Variants in CTNNA3 observed in about 807,000 individuals in gnomAD.
CTNNA3 encodes catenin alpha 3.
A neutral mutation model predicts 95.7 loss-of-function variants in CTNNA3; 76 were observed. That is an observed-to-expected ratio of 0.79 (90% confidence interval 0.66 to 0.96). The LOEUF (loss-of-function observed/expected upper bound fraction) is 0.96, where lower values mean the gene tolerates loss of function less well. Among genes scored for constraint, CTNNA3 ranks in the 40% least tolerant of loss-of-function variants. CTNNA3 has a pLI of 0.00. For synonymous variants in CTNNA3, 431 were observed against 374.4 expected (o/e 1.15, Z -1.74); for missense variants, 1,191 against 1,089.8 (o/e 1.09, Z -1.31).
intron 1 of CTNNA3, among the ~76,000 whole-genome samples, chr10:67,678,146 T>G (rs1415919151): frequency 1.3e-5 from 2 of 151,954 alleles, no homozygotes; most frequent in Non-Finnish European, 2.9e-5. Context: ...TTAAAAATCG[T>G]GTAACATAAA....
chr10:66,280,169 C>T (rs1449461794), intron 13 of CTNNA3, among the ~76,000 whole-genome samples: 2 of 151,954 alleles, frequency 1.3e-5, no homozygotes, highest in East Asian at 3.9e-4. Context: ...ATGTATTTTT[C>T]TTTGGCTTCT....
intron 12 of CTNNA3, among the ~76,000 whole-genome samples, chr10:66,361,131 A>ATTT (rs140136112): frequency 6.9e-6 from 1 of 145,966 alleles, no homozygotes; most frequent in Non-Finnish European, 1.5e-5. Flanking sequence ...TAAATTTTGA[A>ATTT]TTTTTTGTTT....
At chr10:67,353,505 T>C (rs543394607) in intron 5 of CTNNA3, among the ~76,000 whole-genome samples, 114 of 152,058 alleles carry the variant, frequency 7.5e-4, no homozygotes, top group African/African-American at 2.7e-3. Flanking sequence ...AGATTGCTAG[T>C]AATTCAATAG....
At chr10:66,423,791 A>C (rs2132641828) in intron 11 of CTNNA3, among the ~76,000 whole-genome samples, 1 of 152,348 alleles carries the variant, frequency 6.6e-6, no homozygotes, top group South Asian at 2.1e-4. Flanking sequence ...ATCGGCCAGA[A>C]GCCCCTCTCA....
At chr10:67,085,616 G>T (rs561927678) in intron 7 of CTNNA3, among the ~76,000 whole-genome samples, 5 of 151,844 alleles carry the variant, frequency 3.3e-5, no homozygotes, top group Non-Finnish European at 5.9e-5. Flanking sequence ...TAAAGTTTAT[G>T]TTTGTGTCAT....
intron 6 of CTNNA3, among the ~76,000 whole-genome samples, chr10:67,208,807 AT>A (rs1864014159): frequency 6.6e-6 from 1 of 151,594 alleles, no homozygotes; most frequent in Non-Finnish European, 1.5e-5. Context: ...AAATTCATGT[AT>A]TCCTTATGAA....
At chr10:66,181,972 C>T (rs922813878) in intron 13 of CTNNA3, among the ~76,000 whole-genome samples, 9 of 152,070 alleles carry the variant, frequency 5.9e-5, no homozygotes, top group African/African-American at 2.2e-4. Flanking sequence ...ATTGTTCAAA[C>T]TGGAAATATA....
chr10:67,094,832 T>A (rs760298126), intron 7 of CTNNA3, among the ~76,000 whole-genome samples: 6 of 151,712 alleles, frequency 4.0e-5, no homozygotes, highest in Non-Finnish European at 7.4e-5. Flanking sequence ...TGTACACACA[T>A]GTGCATACAT....
At chr10:67,301,450 C>CA (rs1312613541) in intron 5 of CTNNA3, among the ~76,000 whole-genome samples, 1 of 152,002 alleles carries the variant, frequency 6.6e-6, no homozygotes, top group Non-Finnish European at 1.5e-5. Flanking sequence ...GGAGAGTCCT[C>CA]AAAAAACTAA....
intron 9 of CTNNA3, among the ~76,000 whole-genome samples, chr10:66,741,230 T>C (rs1849316351): frequency 6.6e-6 from 1 of 152,268 alleles, no homozygotes; most frequent in East Asian, 1.9e-4. Context: ...GAAGGCTTTT[T>C]CTGGGTTATG....
At chr10:67,079,451 C>A (rs1856919817) in intron 7 of CTNNA3, among the ~76,000 whole-genome samples, 6 of 152,088 alleles carry the variant, frequency 3.9e-5, no homozygotes, top group Admixed American at 3.3e-4. Flanking sequence ...CCCAATAAAG[C>A]CAATAAATTC....
intron 5 of CTNNA3, among the ~76,000 whole-genome samples, chr10:67,489,933 G>A (rs1049739108): frequency 1.3e-5 from 2 of 152,120 alleles, no homozygotes; most frequent in African/African-American, 4.8e-5. Flanking sequence ...GTGAGATCAT[G>A]TAATATTTGT....
At chr10:67,023,590 A>G (rs1184043471) in intron 7 of CTNNA3, among the ~76,000 whole-genome samples, 1 of 152,176 alleles carries the variant, frequency 6.6e-6, no homozygotes, top group Non-Finnish European at 1.5e-5. Flanking sequence ...AGACAAGGTG[A>G]TGATCCTCAG....
chr10:66,442,528 A>C (rs1234476880), intron 11 of CTNNA3, among the ~76,000 whole-genome samples: 1 of 152,190 alleles, frequency 6.6e-6, no homozygotes, highest in Non-Finnish European at 1.5e-5. Context: ...TACAACATAA[A>C]ACAGATTCAC....
At chr10:67,535,881 T>A (rs1024472426) in intron 4 of CTNNA3, among the ~76,000 whole-genome samples, 2 of 152,114 alleles carry the variant, frequency 1.3e-5, no homozygotes, top group Non-Finnish European at 2.9e-5. Context: ...AGTGAGAAAT[T>A]TCCTGAAGTG....
chr10:67,165,202 C>T (rs900560168), intron 7 of CTNNA3, among the ~76,000 whole-genome samples: 3 of 152,108 alleles, frequency 2.0e-5, no homozygotes, highest in African/African-American at 7.2e-5. Flanking sequence ...ATATATCCAA[C>T]TTGGATGGAT....
At chr10:66,153,792 T>C (rs563961852) in intron 13 of CTNNA3, among the ~76,000 whole-genome samples, 9 of 151,988 alleles carry the variant, frequency 5.9e-5, no homozygotes, top group African/African-American at 1.2e-4. Context: ...ATGCTGGTCC[T>C]GTCTTCCAAG....
chr10:66,642,632 G>T, intron 9 of CTNNA3, among the ~76,000 whole-genome samples: 1 of 151,830 alleles, frequency 6.6e-6, no homozygotes, highest in South Asian at 2.1e-4. Context: ...AAATATAAAT[G>T]CCCGCCATTT....
intron 10 of CTNNA3, among the ~76,000 whole-genome samples, chr10:66,524,935 G>T (rs932657814): frequency 6.6e-6 from 1 of 152,100 alleles, no homozygotes; most frequent in African/African-American, 2.4e-5. Context: ...TGTAATCCCA[G>T]CTACTTGGGA....
Sources: gnomAD v4.1 joint callset for allele counts (sites outside exome capture counted in the v4.1 genomes callset) on GRCh38, gnomAD v4.1.1 for gene constraint, MANE v1.5 for transcripts, NCBI Gene and HGNC (gene_info 2026-07-23, HGNC 2026-07-21) for gene names.